Variants in SLC17A5 observed in about 807,000 individuals in gnomAD.
The protein encoded by SLC17A5 is sialin.
A neutral mutation model predicts 59.4 loss-of-function variants in SLC17A5; 47 were observed. The ratio of observed to expected loss-of-function variants is 0.79; its 90% CI spans 0.63 to 1.01. SLC17A5 has a LOEUF of 1.01. Ranked by LOEUF, SLC17A5 falls within the 50% of genes least tolerant of loss-of-function variation. SLC17A5 has a pLI of 0.00. For missense variants in SLC17A5, 522 were observed against 595.5 expected (o/e 0.88, Z 1.28); for synonymous variants, 202 against 210.7 (o/e 0.96, Z 0.36).
At chr6:73,618,030 G>T (rs1388616105) in intron 7 of SLC17A5, among the ~76,000 whole-genome samples, 2 of 151,930 alleles carry the variant, frequency 1.3e-5, no homozygotes, top group African/African-American at 4.8e-5. Context: ...AGGAGTTTGA[G>T]ACCAGCCTGG....
chr6:73,643,486 A>T (rs565476078), intron 2 of SLC17A5, among the ~76,000 whole-genome samples: 88 of 148,780 alleles, frequency 5.9e-4, no homozygotes, highest in African/African-American at 2.0e-3. Flanking sequence ...TTATTTATTT[A>T]TTTTTTTGAG....
At chr6:73,617,529 T>C (rs768159218) in intron 7 of SLC17A5, among the ~76,000 whole-genome samples, 9 of 152,148 alleles carry the variant, frequency 5.9e-5, no homozygotes, top group Non-Finnish European at 1.2e-4. Flanking sequence ...GTTAGTAATA[T>C]TGCCACTTCA....
In SLC17A5 at chr6:73,621,520, C is replaced by T. The variant is rs6453684; in HGVS notation, c.978+284G>A. The stretch of plus-strand genomic sequence containing the variant: ...GTGTATTCGTATTCAAGTCCTTTGC[C>T]CATTTTAAAAACTGAGTTGTCTTTT... On this transcript the variant is annotated intron_variant, in intron 7 of 10. Coordinates refer to ENST00000355773, the MANE Select transcript of SLC17A5 (RefSeq NM_012434.5). 0.16 allele frequency among the ~76,000 whole-genome samples: 24,636 copies of T among 152,054 alleles called. 3,054 individuals carry two copies. The highest frequency in any genetic ancestry group is 0.34 in the African/African-American group (14,139 of 41,430).
intron 5 of SLC17A5, among the ~76,000 whole-genome samples, chr6:73,635,742 C>CTTTT (rs34409077): frequency 7.0e-6 from 1 of 142,328 alleles, no homozygotes; most frequent in Non-Finnish European, 1.5e-5. Context: ...AAGAAAACAA[C>CTTTT]TTTTTTTTTT....
At chr6:73,650,701 A>G (rs532507043) in intron 1 of SLC17A5, among the ~76,000 whole-genome samples, 7 of 151,840 alleles carry the variant, frequency 4.6e-5, no homozygotes, top group Non-Finnish European at 7.4e-5. Context: ...AAAAAAAAAA[A>G]AAAGAAAATA....
intron 6 of SLC17A5, among the ~76,000 whole-genome samples, chr6:73,627,317 T>C (rs150586311): frequency 0.056 from 8,584 of 152,070 alleles, 780 homozygotes; most frequent in African/African-American, 0.19. Flanking sequence ...CCTCGTGATC[T>C]GCGTGCCTCA....
chr6:73,615,889 T>G (rs1007814048), intron 7 of SLC17A5, among the ~76,000 whole-genome samples: 12 of 144,492 alleles, frequency 8.3e-5, no homozygotes, highest in African/African-American at 2.5e-4. Context: ...TCTTTTTTTT[T>G]TTTTTTTTTT....
chr6:73,599,157 G>A (rs773881411), intron 10 of SLC17A5, among the ~76,000 whole-genome samples: 13 of 152,068 alleles, frequency 8.5e-5, no homozygotes, highest in Non-Finnish European at 1.6e-4. Context: ...ACTCCAGACT[G>A]GGCAACGGAG....
chr6:73,614,830 G>T (rs1035942064), intron 8 of SLC17A5, among the ~76,000 whole-genome samples: 3 of 152,134 alleles, frequency 2.0e-5, no homozygotes, highest in African/African-American at 7.2e-5. Flanking sequence ...TTTCCATCTG[G>T]CTGTTCATCT....
At chr6:73,653,496 GCTCCCC>G (rs1562004001) in intron 1 of SLC17A5, 1 of 977,668 alleles carries the variant, frequency 1.0e-6, no homozygotes, top group African/African-American at 1.9e-5. Context: ...CTGCACCGCC[GCTCCCC>G]CGCCCCCGCC....
intron 8 of SLC17A5, among the ~76,000 whole-genome samples, chr6:73,611,582 G>GTT (rs34949489): frequency 6.8e-6 from 1 of 146,224 alleles, no homozygotes. Flanking sequence ...CCCGGCCTTG[G>GTT]TTTTTTTTTT....
intron 1 of SLC17A5, among the ~76,000 whole-genome samples, chr6:73,652,459 T>G (rs896680633): frequency 6.6e-5 from 10 of 152,248 alleles, no homozygotes; most frequent in Admixed American, 4.6e-4. Context: ...TGCCTCGTTG[T>G]AATTTTAATC....
chr6:73,615,342 A>T lies in SLC17A5; in HGVS notation c.1084T>A (p.Cys362Ser). The T allele has an allele frequency of 6.2e-7, 1 of 1,614,170 alleles. No individual in the cohort carries two copies. Among genetic ancestry groups the T allele is most frequent in the Non-Finnish European group, 8.5e-7 (1 of 1,180,032 alleles). Residue 362 changes from cysteine (C) to serine (S), a missense_variant, in exon 8 of 11, where the codon TGT becomes AGT. Physicochemically the swap from Cys to Ser is moderately radical, Grantham distance 112 (BLOSUM62 -1). This residue lies in a region of SLC17A5 where 153 missense variants were observed against 168.5 expected (regional missense o/e 0.91). Coordinates refer to ENST00000355773, the MANE Select transcript of SLC17A5 (RefSeq NM_012434.5). ...ATAAGGCTAAAAATTCTGCGAACAC[A>T]TAAAGTTGAAAAATTCCATTTTGCC... ...LRAKWNFSTL[C>S]VRRIFSLIGM...
At chr6:73,603,420 C>CTT (rs61490134) in intron 9 of SLC17A5, among the ~76,000 whole-genome samples, 99 of 133,986 alleles carry the variant, frequency 7.4e-4, no homozygotes, top group African/African-American at 2.5e-3. Flanking sequence ...ATTGCTGCCT[C>CTT]TTTTTTTTTT....
chr6:73,617,646 C>G (rs1427334571), intron 7 of SLC17A5, among the ~76,000 whole-genome samples: 2 of 152,044 alleles, frequency 1.3e-5, no homozygotes, highest in African/African-American at 2.4e-5. Flanking sequence ...CAGTTTGAGA[C>G]CAGCTTGGTG....
intron 7 of SLC17A5, chr6:73,618,569 G>C: frequency 1.9e-6 from 1 of 522,242 alleles, no homozygotes; most frequent in Non-Finnish European, 3.7e-6. Flanking sequence ...CTTATGGAAG[G>C]ATGTTCCTTC....
At chr6:73,638,353 T>A in intron 4 of SLC17A5, 59 bp downstream of exon 4, 3 of 1,271,578 alleles carry the variant, frequency 2.4e-6, no homozygotes, top group Admixed American at 1.8e-5. Flanking sequence ...AGGCCCTTTT[T>A]CCCAAAGGTT....
Position 73,638,449 on chromosome 6 carries a change from A to AG in SLC17A5, c.575dup (p.Leu193SerfsTer2), listed in dbSNP as rs1321115911. ...TGCTAAGAAGTTTGCTTCTTTCAAG[A>AG]GGGGGAGCCCAAGAAGACCACATGG... On this transcript the variant is annotated frameshift_variant, in exon 4 of 11. Transcript: ENST00000355773. LOFTEE classifies it high-confidence loss of function. 6.2e-7 allele frequency: 1 copy of AG among 1,613,942 alleles called. No individual in the cohort carries two copies. The highest frequency in any genetic ancestry group is 8.5e-7 in the Non-Finnish European group (1 of 1,179,936).
rs1581966056 is a variant in SLC17A5 at position 73,615,532 on chromosome 6, C to A, written c.979-85G>T. 2.9e-6 allele frequency: 4 copies of A among 1,377,610 alleles called. No homozygotes were observed. The East Asian group carries it at 9.3e-5, about 32-fold the overall frequency. The allele number at this position is 1,377,610 out of a possible 1,614,324, so 85.3% of individuals were successfully genotyped here. The stretch of plus-strand genomic sequence containing the variant: ...CATTCATCACAGCCAATGACCACCA[C>A]TTGAAAGCAAAGGAAATGCATAGCA... On this transcript the variant is annotated intron_variant, in intron 7 of 10. Transcript: ENST00000355773.
Sources: gnomAD v4.1 joint callset for allele counts (sites outside exome capture counted in the v4.1 genomes callset) on GRCh38, gnomAD v4.1.1 for gene constraint, gnomAD v4.1.1 regional missense constraint, MANE v1.5 for transcripts, NCBI Gene and HGNC (gene_info 2026-07-23, HGNC 2026-07-21) for gene names.